The following FREM1 variants were observed in gnomAD, a reference collection of about 807,000 sequenced individuals.
The protein encoded by FREM1 is FRAS1 related extracellular matrix 1.
In FREM1, 220 loss-of-function variants were observed where a neutral mutation model predicts 210.1. The observed-to-expected ratio is 1.05, with a 90% confidence interval of 0.94 to 1.17. FREM1 has a LOEUF of 1.17. FREM1 is among the 50% of genes most tolerant of loss of function. FREM1 has a pLI of 0.00. For missense variants in FREM1, 3,454 were observed against 2,675.5 expected (o/e 1.29, Z -6.42); for synonymous variants, 1,189 against 980.2 (o/e 1.21, Z -3.98).
At chr9:14,814,117 C>T (rs1407374161) in intron 15 of FREM1, among the ~76,000 whole-genome samples, 1 of 152,306 alleles carries the variant, frequency 6.6e-6, no homozygotes, top group Non-Finnish European at 1.5e-5. Context: ...CAACTCTTTG[C>T]TTGGTTAACT....
intron 27 of FREM1, among the ~76,000 whole-genome samples, chr9:14,762,522 G>A (rs1222847588): frequency 6.6e-6 from 1 of 152,116 alleles, no homozygotes; most frequent in Non-Finnish European, 1.5e-5. Context: ...TACTGTTTGG[G>A]AATGTGCATG....
At chr9:14,783,210 G>A (rs1323647893) in intron 24 of FREM1, among the ~76,000 whole-genome samples, 2 of 152,148 alleles carry the variant, frequency 1.3e-5, no homozygotes, top group Non-Finnish European at 2.9e-5. Flanking sequence ...TGCTAAAAAG[G>A]TGAGCAGCAT....
chr9:14,836,843 C>T lies in FREM1; in HGVS notation c.1881+4604G>A, dbSNP rs1824714713. Among the ~76,000 whole-genome samples, 1 of 152,140 alleles carries T rather than the reference C, an allele frequency of 6.6e-6. No individual in the cohort carries two copies. The highest frequency in any genetic ancestry group is 1.5e-5 in the Non-Finnish European group (1 of 68,020). ...AGAAAGAGTCTTCGCCCAAAACCCC[C>T]TAACTGCAGTTAGTGTGATATTGCC... On this transcript the variant is annotated intron_variant, in intron 10 of 36. Coordinates refer to ENST00000380880, the MANE Select transcript of FREM1 (RefSeq NM_001379081.2). This position sits in a 1 kb window ranked among gnomAD's most constrained non-coding sequence, Gnocchi z 4.9.
chr9:14,792,438 A>C (rs1851595141), intron 22 of FREM1, among the ~76,000 whole-genome samples: 1 of 152,138 alleles, frequency 6.6e-6, no homozygotes, highest in African/African-American at 2.4e-5. Context: ...GATATCACAA[A>C]AGATCCTGGA....
Position 14,746,978 on chromosome 9 carries a change from T to G in FREM1, c.6083A>C (p.Gln2028Pro). 1 of 1,613,420 alleles carries G rather than the reference T, an allele frequency of 6.2e-7. No individual in the cohort carries two copies. Residue 2028 changes from glutamine (Q) to proline (P), a missense_variant, in exon 34 of 37, where the codon CAG becomes CCG. By Grantham distance (76) the Gln-to-Pro change is moderately conservative. Coordinates refer to ENST00000380880, the MANE Select transcript of FREM1 (RefSeq NM_001379081.2). ...KGLFHFEEGI[Q>P]KLYQCNGIAW... is the part of the protein sequence containing the mutation. Reference sequence around the variant, plus strand: ...GATCCCATTGCACTGATACAGCTTCTGGATGCCTTCTTCAAAATGGAAGAG... The same window carrying G: ...GATCCCATTGCACTGATACAGCTTCGGGATGCCTTCTTCAAAATGGAAGAG...
At chr9:14,840,431 A>G (rs1395805887) in intron 10 of FREM1, among the ~76,000 whole-genome samples, 1 of 152,220 alleles carries the variant, frequency 6.6e-6, no homozygotes, top group Non-Finnish European at 1.5e-5. Flanking sequence ...GGGAGGTCTC[A>G]CAATCATGGC....
chr9:14,903,414 T>C (rs549145606), intron 1 of FREM1, among the ~76,000 whole-genome samples: 4 of 152,230 alleles, frequency 2.6e-5, no homozygotes, highest in African/African-American at 9.6e-5. Context: ...TGGGTCATTA[T>C]ATCACAGTAC....
chr9:14,798,045 GT>G (rs1048289806), intron 20 of FREM1, among the ~76,000 whole-genome samples: 2 of 151,718 alleles, frequency 1.3e-5, no homozygotes, highest in Admixed American at 6.6e-5. Flanking sequence ...CAATGTAACT[GT>G]TTTTTTTAAA....
At chr9:14,787,721 T>C (rs1038600228) in intron 23 of FREM1, among the ~76,000 whole-genome samples, 7 of 152,204 alleles carry the variant, frequency 4.6e-5, no homozygotes, top group Non-Finnish European at 1.0e-4. Context: ...TGTAAAGTTG[T>C]GTTGTGCTGA....
chr9:14,892,665 G>C (rs1837041923), intron 1 of FREM1, among the ~76,000 whole-genome samples: 1 of 152,036 alleles, frequency 6.6e-6, no homozygotes, highest in African/African-American at 2.4e-5. Context: ...GGGACATGGG[G>C]ACAAGTTTCC....
chr9:14,877,823 C>T (rs1390733821), intron 1 of FREM1, among the ~76,000 whole-genome samples: 2 of 152,124 alleles, frequency 1.3e-5, no homozygotes, highest in South Asian at 2.1e-4. Context: ...CCCAGCTAAG[C>T]CATAATCTGA....
At chr9:14,810,060 C>T (rs1051695741) in intron 16 of FREM1, among the ~76,000 whole-genome samples, 16 of 152,172 alleles carry the variant, frequency 1.1e-4, no homozygotes, top group East Asian at 3.9e-4. Flanking sequence ...GCAGGGCATA[C>T]GTGCCAAGGA....
intron 25 of FREM1, 119 bp from the exon 26 acceptor site, chr9:14,770,925 C>T: frequency 1.5e-6 from 1 of 675,078 alleles, no homozygotes; most frequent in South Asian, 1.9e-5. Flanking sequence ...TTATACTCCT[C>T]ACTAGTGGAT....
intron 29 of FREM1, among the ~76,000 whole-genome samples, chr9:14,754,693 G>C (rs770467210): frequency 1.3e-5 from 2 of 152,110 alleles, no homozygotes; most frequent in Non-Finnish European, 2.9e-5. Context: ...CAGCACTTTG[G>C]GAGGCTGAGG....
intron 24 of FREM1, among the ~76,000 whole-genome samples, chr9:14,778,607 C>CAAAAA (rs1169611171): frequency 2.9e-4 from 9 of 31,252 alleles, no homozygotes; most frequent in African/African-American, 1.0e-3. Context: ...GAACCTGTCT[C>CAAAAA]AAAAAAAAAA....
intron 30 of FREM1, among the ~76,000 whole-genome samples, chr9:14,749,075 A>G (rs1276981627): frequency 1.3e-5 from 2 of 152,212 alleles, no homozygotes; most frequent in Non-Finnish European, 1.5e-5. Flanking sequence ...ATTAAGTAGT[A>G]TTTATAAAAC....
At position 14,828,015 on chromosome 9, in the gene FREM1, C is replaced by T. The variant is rs963084409; in HGVS notation, c.1882-3023G>A. Among the ~76,000 whole-genome samples, 4 of 152,320 alleles carry T rather than the reference C, an allele frequency of 2.6e-5. 1 individual carries two copies. Among genetic ancestry groups the T allele is most frequent in the Non-Finnish European group, 4.4e-5 (3 of 68,024 alleles). ...TTTCAAGAGATGCCTCAGAAAGCCT[C>T]GGGACTCAGGCAGAGAGTTGCCTCA... On this transcript the variant is annotated intron_variant, in intron 10 of 36. Coordinates refer to ENST00000380880, the MANE Select transcript of FREM1 (RefSeq NM_001379081.2).
chr9:14,824,632 G>C (rs1191423028), intron 11 of FREM1, among the ~76,000 whole-genome samples, 164 bp downstream of exon 11: 2 of 152,156 alleles, frequency 1.3e-5, no homozygotes, highest in Non-Finnish European at 2.9e-5. Context: ...AAGGGAGATA[G>C]GAAGTTGTTT....
chr9:14,767,763 G>T lies in FREM1; in HGVS notation c.5204+1961C>A, dbSNP rs577269037. On this transcript the variant is annotated intron_variant, in intron 27 of 36. Coordinates refer to ENST00000380880, the MANE Select transcript of FREM1 (RefSeq NM_001379081.2). ...CCGTTCAAAAATGATGATGATAAAT[G>T]CTGAGTAATTTTACCCCCCCATCGC... Among the ~76,000 whole-genome samples, 18 of 152,180 alleles carry T rather than the reference G, an allele frequency of 1.2e-4. 1 individual carries two copies. The highest frequency in any genetic ancestry group is 9.8e-4 in the Admixed American group (15 of 15,282).
Sources: allele counts gnomAD v4.1 joint callset (sites outside exome capture counted in the v4.1 genomes callset), GRCh38; gene constraint gnomAD v4.1.1; non-coding constraint Gnocchi (gnomAD v3.1); transcripts MANE v1.5; gene names NCBI Gene and HGNC (gene_info 2026-07-23, HGNC 2026-07-21).